GABRB3: variants seen among roughly 807,000 people sequenced by gnomAD.
The protein encoded by GABRB3 is gamma-aminobutyric acid receptor subunit beta-3.
GABRB3 carries 14 observed loss-of-function variants against 52.1 expected under a neutral mutation model. That is an observed-to-expected ratio of 0.27 (90% CI 0.18 to 0.42). The LOEUF (loss-of-function observed/expected upper bound fraction) is 0.42. Ranked by LOEUF, GABRB3 falls within the 10% of genes least tolerant of loss-of-function variation. The probability of loss-of-function intolerance (pLI) is 1.00; values close to 1 mark genes in which losing one functional copy is unlikely to be tolerated. For missense variants in GABRB3, 307 were observed against 609.1 expected, an observed-to-expected ratio of 0.50 and a Z score of 5.22; for synonymous variants, 260 against 232.3, an observed-to-expected ratio of 1.12 and a Z score of -1.08.
intron 3 of GABRB3, among the ~76,000 whole-genome samples, chr15:26,685,205 G>A (rs945311391): frequency 3.9e-5 from 6 of 152,128 alleles, no homozygotes; most frequent in African/African-American, 1.4e-4. Flanking sequence ...CTACTTCTCC[G>A]CCAGCATTCA....
chr15:26,628,793 A>AC (rs1430868301), intron 3 of GABRB3, among the ~76,000 whole-genome samples: 20 of 151,426 alleles, frequency 1.3e-4, no homozygotes, highest in South Asian at 4.2e-4. Context: ...TAGGTTGGTG[A>AC]CCCCCCCAGG....
chr15:26,745,365 C>T (rs1319063595), intron 3 of GABRB3, among the ~76,000 whole-genome samples: 4 of 152,062 alleles, frequency 2.6e-5, no homozygotes, highest in African/African-American at 9.7e-5. Flanking sequence ...AGGTTCCATA[C>T]CCAGTTTTCT....
At chr15:26,639,631 G>A (rs972904536) in intron 3 of GABRB3, among the ~76,000 whole-genome samples, 3 of 152,294 alleles carry the variant, frequency 2.0e-5, no homozygotes, top group Non-Finnish European at 2.9e-5. Flanking sequence ...TACCCAGTAC[G>A]TGTTAACTTT....
At chr15:26,680,146 A>G (rs1183735554) in intron 3 of GABRB3, among the ~76,000 whole-genome samples, 2 of 152,188 alleles carry the variant, frequency 1.3e-5, no homozygotes, top group Admixed American at 1.3e-4. Context: ...GGTCCTGAAG[A>G]AGCCTGAGGT....
chr15:26,563,365 G>C lies in GABRB3; in HGVS notation c.836-2189C>G, dbSNP rs1052373664. ...ATAAGATTTCACAGTGAGTACTTCAGGTCTTTCTAGTTTGGACCCACATGC... is the reference window on the plus strand; with the variant it reads ...ATAAGATTTCACAGTGAGTACTTCACGTCTTTCTAGTTTGGACCCACATGC... On this transcript the variant is annotated intron_variant, in intron 7 of 8. Transcript: ENST00000311550. Among the ~76,000 whole-genome samples the C allele has an allele frequency of 2.6e-5, 4 of 152,310 alleles. No individual in the cohort carries two copies. The South Asian group carries it at 8.3e-4, about 32-fold the overall frequency.
intron 3 of GABRB3, among the ~76,000 whole-genome samples, chr15:26,672,376 C>T (rs1011777841): frequency 1.3e-5 from 2 of 152,214 alleles, no homozygotes; most frequent in African/African-American, 2.4e-5. Context: ...CAAGCCACCA[C>T]ATGGCCCATC....
intron 4 of GABRB3, among the ~76,000 whole-genome samples, chr15:26,608,927 C>G (rs1026202311): frequency 2.0e-5 from 3 of 152,058 alleles, no homozygotes; most frequent in African/African-American, 7.2e-5. Flanking sequence ...CCATATGCTA[C>G]AGCAATCCCA....
chr15:26,606,772 A>ATCGATAGATCTATC (rs1566770499), intron 4 of GABRB3, among the ~76,000 whole-genome samples: 53 of 81,764 alleles, frequency 6.5e-4, no homozygotes, highest in African/African-American at 1.6e-3. Flanking sequence ...GTCTATCTAT[A>ATCGATAGATCTATC]GATAGATAGA....
chr15:26,646,219 C>T (rs1893344311), intron 3 of GABRB3, among the ~76,000 whole-genome samples: 1 of 152,128 alleles, frequency 6.6e-6, no homozygotes, highest in Admixed American at 6.5e-5. Flanking sequence ...GTGACTCTCC[C>T]TTCACACTCC....
At chr15:26,695,346 A>T (rs1029162623) in intron 3 of GABRB3, among the ~76,000 whole-genome samples, 1 of 152,212 alleles carries the variant, frequency 6.6e-6, no homozygotes. Context: ...CCATGAGAAC[A>T]TACAGTAGAG....
intron 4 of GABRB3, among the ~76,000 whole-genome samples, chr15:26,592,961 G>T (rs1891260795): frequency 6.6e-6 from 1 of 151,248 alleles, no homozygotes; most frequent in African/African-American, 2.4e-5. Context: ...GTTACAGTGA[G>T]CCGAGATCAC....
chr15:26,642,192 C>T (rs146527122), intron 3 of GABRB3, among the ~76,000 whole-genome samples: 1,966 of 152,292 alleles, frequency 0.013, 38 homozygotes, highest in Admixed American at 0.056. Flanking sequence ...CAAGCCTTCC[C>T]CCCAGATTTT....
chr15:26,552,824 G>A (rs1473854010), intron 8 of GABRB3, among the ~76,000 whole-genome samples: 1 of 152,208 alleles, frequency 6.6e-6, no homozygotes, highest in Non-Finnish European at 1.5e-5. Flanking sequence ...CACTGGGAAT[G>A]TTGTTGTGGA....
intron 3 of GABRB3, among the ~76,000 whole-genome samples, chr15:26,699,773 AAAAAT>A (rs749147807): frequency 6.5e-4 from 99 of 152,194 alleles, no homozygotes; most frequent in Admixed American, 4.7e-3. Context: ...AAACAAAAGA[AAAAAT>A]AAAAGAGCGT....
At chr15:26,650,941 T>C (rs970009682) in intron 3 of GABRB3, among the ~76,000 whole-genome samples, 3 of 152,196 alleles carry the variant, frequency 2.0e-5, no homozygotes, top group Middle Eastern at 3.4e-3. Context: ...GAGAGCCATG[T>C]TCATCACTTA....
chr15:26,622,265 G>A (rs966457337), intron 3 of GABRB3, among the ~76,000 whole-genome samples: 2 of 152,258 alleles, frequency 1.3e-5, no homozygotes, highest in African/African-American at 2.4e-5. Context: ...AAATATCCAC[G>A]TGATGGTTCT....
At chr15:26,674,466 A>AG (rs34169365) in intron 3 of GABRB3, among the ~76,000 whole-genome samples, 28,244 of 90,442 alleles carry the variant, frequency 0.31, 3,477 homozygotes, top group Middle Eastern at 0.44. Context: ...AGAAAAGAAA[A>AG]AGAAAGAAAG....
At chr15:26,697,674 TC>T (rs1235350391) in intron 3 of GABRB3, among the ~76,000 whole-genome samples, 9 of 152,122 alleles carry the variant, frequency 5.9e-5, no homozygotes, top group Non-Finnish European at 1.0e-4. Flanking sequence ...GTCCAATGTG[TC>T]CCCTGTCCCC....
At chr15:26,600,906 A>G (rs1375711846) in intron 4 of GABRB3, among the ~76,000 whole-genome samples, 6 of 152,204 alleles carry the variant, frequency 3.9e-5, no homozygotes, top group African/African-American at 1.4e-4. Context: ...TATTAACAAC[A>G]ACTATAGCTA....
Sources: allele counts gnomAD v4.1 joint callset (sites outside exome capture counted in the v4.1 genomes callset), GRCh38; gene constraint gnomAD v4.1.1; transcripts MANE v1.5; gene names NCBI Gene and HGNC (gene_info 2026-07-23, HGNC 2026-07-21).